Variants in ACAN observed in about 807,000 individuals in gnomAD.
ACAN encodes aggrecan, also known as aggrecan core protein.
In ACAN, 47 loss-of-function variants were observed where a neutral mutation model predicts 169.1. That is an observed-to-expected ratio of 0.28 (90% CI 0.22 to 0.35). ACAN has a LOEUF of 0.35. Among genes scored for constraint, ACAN ranks in the 10% least tolerant of loss-of-function variants. The probability of loss-of-function intolerance (pLI) is 1.00; values close to 1 mark genes in which losing one functional copy is unlikely to be tolerated. For missense variants in ACAN, 2,716 were observed against 2,759.9 expected (o/e 0.98, Z 0.36); for synonymous variants, 1,115 against 1,112.2 (o/e 1.00, Z -0.05).
intron 13 of ACAN, among the ~76,000 whole-genome samples, chr15:88,863,697 C>T (rs1280566192): frequency 6.6e-6 from 1 of 152,224 alleles, no homozygotes; most frequent in East Asian, 1.9e-4. Context: ...TGATCTATGA[C>T]TTTCCACTCT....
intron 4 of ACAN, among the ~76,000 whole-genome samples, chr15:88,840,518 C>T (rs1366026986): frequency 6.6e-6 from 1 of 152,180 alleles, no homozygotes; most frequent in Non-Finnish European, 1.5e-5. Context: ...AAACAAACTT[C>T]CATCCTTTTT....
rs1897319148 is a variant in ACAN at position 88,868,608 on chromosome 15, C to T, written c.7060+279C>T. ...CCACCACCGAGGTTGGTGTATGGTT[C>T]AGACTAAGAGGACAGGGCTGATTCT... On this transcript the variant is annotated intron_variant, in intron 14 of 18. Transcript: ENST00000560601. The surrounding 1 kb of genome is among the most constrained non-coding windows in gnomAD (Gnocchi z 5.2). Among the ~76,000 whole-genome samples, 1 of 152,198 alleles carries T rather than the reference C, an allele frequency of 6.6e-6. No homozygotes were observed. Among genetic ancestry groups the T allele is most frequent in the Non-Finnish European group, 1.5e-5 (1 of 68,036 alleles).
rs33937048 is a variant in ACAN at position 88,807,747 on chromosome 15, AGTGTGTGTGTGT to A, written c.-8+3966_-8+3977del. Among the ~76,000 whole-genome samples the A allele has an allele frequency of 8.4e-5, 12 of 142,090 alleles. No homozygotes were observed. The highest frequency in any genetic ancestry group is 4.7e-4 in the South Asian group (2 of 4,284). The allele number at this position is 142,090 out of a possible 152,430, so 93.2% of individuals were successfully genotyped here. On this transcript the variant is annotated intron_variant, in intron 1 of 18. Coordinates refer to ENST00000560601, the MANE Select transcript of ACAN (RefSeq NM_001369268.1). The surrounding 1 kb of genome is among the most constrained non-coding windows in gnomAD (Gnocchi z 4.0). ...CTCAGAGCCTCCTTATAAGTGGTGG[AGTGTGTGTGTGT>A]GTGTGTGTGTGTGTGTGTGTGTGTG...
At position 88,868,699 on chromosome 15, in the gene ACAN, G is replaced by A. The variant is rs767722865; in HGVS notation, c.7060+370G>A. ...GGTTCTCATTCCAGATGACAGCCAC[G>A]GATCTTCTCAGTGTGGTCATGGGCA... On this transcript the variant is annotated intron_variant, in intron 14 of 18. Transcript: ENST00000560601. The surrounding 1 kb of genome is among the most constrained non-coding windows in gnomAD (Gnocchi z 5.2). Among the ~76,000 whole-genome samples, 7 of 152,146 alleles carry A rather than the reference G, an allele frequency of 4.6e-5. No individual in the cohort carries two copies. The highest frequency in any genetic ancestry group is 5.9e-5 in the Non-Finnish European group (4 of 68,026).
At chr15:88,815,600 TA>T (rs200368857) in intron 1 of ACAN, among the ~76,000 whole-genome samples, 22,121 of 83,890 alleles carry the variant, frequency 0.26, 2,520 homozygotes, top group African/African-American at 0.37. Flanking sequence ...AGAAAGGTCT[TA>T]AAAAAAAAAA....
chr15:88,813,792 C>T (rs1895877189), intron 1 of ACAN, among the ~76,000 whole-genome samples: 2 of 152,162 alleles, frequency 1.3e-5, no homozygotes, highest in South Asian at 4.1e-4. Flanking sequence ...GCTACTCAGC[C>T]TTCGTGACTT....
At position 88,849,971 on chromosome 15, in the gene ACAN, T is replaced by C. The variant is rs540624038; in HGVS notation, c.2026+240T>C. The C allele has an allele frequency of 6.5e-4, 420 of 643,962 alleles. 4 individuals are homozygous for C. The highest frequency in any genetic ancestry group is 6.3e-3 in the South Asian group (348 of 55,216). The allele number at this position is 643,962 out of a possible 1,614,324, so 39.9% of individuals were successfully genotyped here. A position where few individuals can be genotyped will look rare whatever the true frequency, so the allele number is the denominator to read the frequency against. ...ATAAGAACTTGAGCTGGTATTTATG[T>C]CTACTAGAAATGAAGCAGACCTGAA... On this transcript the variant is annotated intron_variant, in intron 10 of 18. Transcript: ENST00000560601. This position sits in a 1 kb window ranked among gnomAD's most constrained non-coding sequence, Gnocchi z 5.1.
chr15:88,807,815 G>T lies in ACAN; in HGVS notation c.-8+4006G>T. ...GCTGGCAGGGCGGGCCCTGCGGGCT[G>T]GCCAGGCCTGTGAGAGGTGACTTCT... On this transcript the variant is annotated intron_variant, in intron 1 of 18. Coordinates refer to ENST00000560601, the MANE Select transcript of ACAN (RefSeq NM_001369268.1). The surrounding 1 kb of genome is among the most constrained non-coding windows in gnomAD (Gnocchi z 4.0). 6.7e-6 allele frequency among the ~76,000 whole-genome samples: 1 copy of T among 150,102 alleles called. No homozygotes were observed. The highest frequency in any genetic ancestry group is 2.0e-4 in the East Asian group (1 of 4,948).
In ACAN at chr15:88,849,473, A is replaced by G; in HGVS notation, c.1768A>G (p.Thr590Ala). The change falls in exon 10 of 19, where the codon ACC becomes GCC. Residue 590 changes from threonine to alanine, a missense_variant. Transcript: ENST00000560601. This position sits in a 1 kb window ranked among gnomAD's most constrained non-coding sequence, Gnocchi z 5.1. ...CTTCGCCACACGCCTTGAGCAGTTC[A>G]CCTTCCAGGAAGCACTGGAGTTCTG... ...VFFATRLEQF[T>A]FQEALEFCES... 6.2e-7 allele frequency: 1 copy of G among 1,605,028 alleles called. No individual in the cohort carries two copies. The highest frequency in any genetic ancestry group is 8.5e-7 in the Non-Finnish European group (1 of 1,174,300).
intron 1 of ACAN, among the ~76,000 whole-genome samples, chr15:88,824,151 C>T (rs1471226967): frequency 1.3e-5 from 2 of 152,030 alleles, no homozygotes; most frequent in African/African-American, 2.4e-5. Flanking sequence ...AGTGAAACCC[C>T]GTCTCTACTA....
Position 88,873,158 on chromosome 15 carries a change from G to A in ACAN, c.7447+133G>A, listed in dbSNP as rs973228309. The A allele has an allele frequency of 1.4e-5, 17 of 1,230,844 alleles. No homozygotes were observed. The African/African-American group carries it at 2.3e-4, about 16-fold the overall frequency. 76.2% of individuals were successfully genotyped at this position (1,230,844 alleles called of 1,614,324 possible). A position where few individuals can be genotyped will look rare whatever the true frequency, so the allele number is the denominator to read the frequency against. ...TGGTGTCTCCTCACTTGTCCAAAAG[G>A]CAGACTGGAGCTGACCTAGGGGTCC... On this transcript the variant is annotated intron_variant, in intron 17 of 18. Coordinates refer to ENST00000560601, the MANE Select transcript of ACAN (RefSeq NM_001369268.1). The surrounding 1 kb of genome is among the most constrained non-coding windows in gnomAD (Gnocchi z 7.5).
chr15:88,838,996 T>A lies in ACAN; in HGVS notation c.404T>A (p.Val135Glu). 1 of 1,611,356 alleles carries A rather than the reference T, an allele frequency of 6.2e-7. No homozygotes were observed. The change falls in exon 3 of 19, where the codon GTG (valine) becomes GAG (glutamate). Residue 135 changes from valine to glutamate, a missense_variant. Around this residue, in one of 3 missense-constraint regions of ACAN, gnomAD observed 1,283 missense variants for 1,281.5 expected, o/e 1.00. Transcript: ENST00000560601. The surrounding 1 kb of genome is among the most constrained non-coding windows in gnomAD (Gnocchi z 5.1). The stretch of plus-strand genomic sequence containing the variant: ...GACTCTGGGGTCTACCGCTGCGAGG[T>A]GATGCATGGCATCGAGGACAGCGAG... ...SNDSGVYRCE[V>E]MHGIEDSEAT... is the part of the protein sequence containing the mutation.
rs1255206331 is a variant in ACAN, at chr15:88,861,787, C to T, written c.6946+1348C>T. On this transcript the variant is annotated intron_variant, in intron 13 of 18. Transcript: ENST00000560601. The surrounding 1 kb of genome is among the most constrained non-coding windows in gnomAD (Gnocchi z 6.3). ...CCTGATACTTGAGGCAAAAATCTGA[C>T]ACTAGCATCAGAAGTCAAAGCAAGG... Among the ~76,000 whole-genome samples, 1 of 152,194 alleles carries T rather than the reference C, an allele frequency of 6.6e-6. No homozygotes were observed. The highest frequency in any genetic ancestry group is 1.5e-5 in the Non-Finnish European group (1 of 68,032).
chr15:88,835,821 T>C (rs11856683), intron 1 of ACAN, among the ~76,000 whole-genome samples: 1,696 of 152,266 alleles, frequency 0.011, 34 homozygotes, highest in African/African-American at 0.039. Context: ...AATTCCAATG[T>C]CAATCTCATC....
rs576365623 is a variant in ACAN at position 88,874,075 on chromosome 15, C to G, written c.7630+51C>G. 1.3e-6 allele frequency: 2 copies of G among 1,595,390 alleles called. No individual in the cohort carries two copies. The highest frequency in any genetic ancestry group is 1.7e-6 in the Non-Finnish European group (2 of 1,176,346). ...TGAGCACAGGGTTAGATTCTGCCAG[C>G]ACAGCCTTCCCCCCGTCCCCTCTCC... On this transcript the variant is annotated intron_variant, in intron 18 of 18. Coordinates refer to ENST00000560601, the MANE Select transcript of ACAN (RefSeq NM_001369268.1). This position sits in a 1 kb window ranked among gnomAD's most constrained non-coding sequence, Gnocchi z 7.3.
In ACAN at chr15:88,857,414, C is replaced by T. The variant is rs553645490; in HGVS notation, c.4829C>T (p.Pro1610Leu). ...ASGDLDLGKL[P>L]SGTLGSGQAP... ...GGAGACTTGGACTTGGGCAAACTGC[C>T]TTCTGGAACTCTAGGAAGTGGGCAA... The change falls in exon 12 of 19, where the codon CCT becomes CTT. Residue 1610 changes from proline (P) to leucine (L), a missense_variant. Physicochemically the swap from Pro to Leu is moderately conservative, Grantham distance 98. Coordinates refer to ENST00000560601, the MANE Select transcript of ACAN (RefSeq NM_001369268.1). 2 of 1,613,898 alleles carry T rather than the reference C, an allele frequency of 1.2e-6. No homozygotes were observed. The highest frequency in any genetic ancestry group is 1.1e-5 in the South Asian group (1 of 91,086).
intron 1 of ACAN, among the ~76,000 whole-genome samples, chr15:88,834,710 C>G (rs1896457960): frequency 6.6e-6 from 1 of 152,242 alleles, no homozygotes; most frequent in Non-Finnish European, 1.5e-5. Flanking sequence ...ACTCGGGGAA[C>G]ATCACCAGGC....
In ACAN at chr15:88,868,308, G is replaced by T; in HGVS notation, c.7039G>T (p.Glu2347Ter). Residue 2347 changes from glutamate to a stop codon, truncating the protein, a stop_gained, in exon 14 of 19, where the codon GAA becomes TAA. Transcript: ENST00000560601. LOFTEE classifies it high-confidence loss of function. The surrounding 1 kb of genome is among the most constrained non-coding windows in gnomAD (Gnocchi z 5.2). ...SFTCLCLPSY[E>*]GDLCEIDQEV... ...CACATGCTTATGCCTTCCCAGCTAC[G>T]AAGGGGACCTGTGTGAGATTGGTAC... 1 of 702,802 alleles carries T rather than the reference G, an allele frequency of 1.4e-6. No homozygotes were observed. Among genetic ancestry groups the T allele is most frequent in the Non-Finnish European group, 2.6e-6 (1 of 384,850 alleles). The allele number at this position is 702,802 out of a possible 1,614,324, so 43.5% of individuals were successfully genotyped here. A position where few individuals can be genotyped will look rare whatever the true frequency, so the allele number is the denominator to read the frequency against.
chr15:88,869,240 A>G lies in ACAN; in HGVS notation c.7060+911A>G, dbSNP rs1897329514. On this transcript the variant is annotated intron_variant, in intron 14 of 18. Transcript: ENST00000560601. This position sits in a 1 kb window ranked among gnomAD's most constrained non-coding sequence, Gnocchi z 4.2. ...GTCTCAGTGGCCCAGACAGAACTGG[A>G]AGTGTGTAGGGGCTTAAAATCCTTT... Among the ~76,000 whole-genome samples the G allele has an allele frequency of 6.6e-6, 1 of 152,138 alleles. No individual in the cohort carries two copies. Among genetic ancestry groups the G allele is most frequent in the African/African-American group, 2.4e-5 (1 of 41,440 alleles).
Sources: allele counts gnomAD v4.1 joint callset (sites outside exome capture counted in the v4.1 genomes callset), GRCh38; gene constraint gnomAD v4.1.1; regional missense constraint gnomAD v4.1.1; non-coding constraint Gnocchi (gnomAD v3.1); transcripts MANE v1.5; gene names NCBI Gene and HGNC (gene_info 2026-07-23, HGNC 2026-07-21).